The following ARSB variants were observed in gnomAD, a reference collection of about 807,000 sequenced individuals.
ARSB encodes arylsulfatase B.
A neutral mutation model predicts 50.9 loss-of-function variants in ARSB; 41 were observed. The observed-to-expected ratio is 0.81, with a 90% CI of 0.63 to 1.04. ARSB has a LOEUF of 1.04. Among genes scored for constraint, ARSB ranks in the 50% least tolerant of loss-of-function variants. The pLI is 0.00. For missense variants in ARSB, 672 were observed against 693.3 expected, an observed-to-expected ratio of 0.97 and a Z score of 0.35; for synonymous variants, 269 against 284.8, an observed-to-expected ratio of 0.94 and a Z score of 0.56.
chr5:78,897,604 C>T (rs1416450303), intron 4 of ARSB, among the ~76,000 whole-genome samples: 1 of 152,056 alleles, frequency 6.6e-6, no homozygotes, highest in Non-Finnish European at 1.5e-5. Flanking sequence ...AATTGATTTA[C>T]AAAGTAAATT....
At chr5:78,933,888 T>C (rs540835890) in intron 4 of ARSB, among the ~76,000 whole-genome samples, 82 of 152,078 alleles carry the variant, frequency 5.4e-4, no homozygotes, top group Non-Finnish European at 9.3e-4. Flanking sequence ...GCTCTAAAAG[T>C]TAAAGAAGGA....
chr5:78,937,435 T>TGTAA lies in ARSB; in HGVS notation c.898+17859_898+17860insTTAC, dbSNP rs535639117. Among the ~76,000 whole-genome samples the TGTAA allele has an allele frequency of 4.7e-4, 63 of 133,568 alleles. 11 individuals carry two copies. Among genetic ancestry groups the TGTAA allele is most frequent in the African/African-American group, 1.9e-3 (57 of 30,140 alleles). The allele number at this position is 133,568 out of a possible 152,430, so 87.6% of individuals were successfully genotyped here. Reference sequence around the variant, plus strand: ...ATGTAAGATATATATATCATATATATGATATATATATCTTATATATATAAT... The same window carrying TGTAA: ...ATGTAAGATATATATATCATATATATGTAAGATATATATATCTTATATATATAAT... On this transcript the variant is annotated intron_variant, in intron 4 of 7. Coordinates refer to ENST00000264914, the MANE Select transcript of ARSB (RefSeq NM_000046.5).
At chr5:78,807,699 T>C (rs1241653852) in intron 6 of ARSB, among the ~76,000 whole-genome samples, 1 of 152,060 alleles carries the variant, frequency 6.6e-6, no homozygotes, top group Non-Finnish European at 1.5e-5. Flanking sequence ...AACTAGGAGA[T>C]CCTCAGAGGT....
intron 4 of ARSB, among the ~76,000 whole-genome samples, chr5:78,951,489 T>C (rs1474767837): frequency 1.3e-5 from 2 of 151,640 alleles, no homozygotes; most frequent in Non-Finnish European, 2.9e-5. Flanking sequence ...GCAGAAGAGC[T>C]CCAAAGCCTG....
At chr5:78,867,250 C>T (rs1306190574) in intron 5 of ARSB, among the ~76,000 whole-genome samples, 3 of 152,172 alleles carry the variant, frequency 2.0e-5, no homozygotes, top group Admixed American at 1.3e-4. Flanking sequence ...GAGAGGCGCC[C>T]GCCATTGCCC....
rs928664080 is a variant in ARSB at position 78,941,582 on chromosome 5, C to T, written c.898+13713G>A. On this transcript the variant is annotated intron_variant, in intron 4 of 7. Coordinates refer to ENST00000264914, the MANE Select transcript of ARSB (RefSeq NM_000046.5). ...TGGTTCTCTTTATATGCTGGATTACCTTTATTGATTTGCATATATTGAACC... is the reference window on the plus strand; with the variant it reads ...TGGTTCTCTTTATATGCTGGATTACTTTTATTGATTTGCATATATTGAACC... Among the ~76,000 whole-genome samples the T allele has an allele frequency of 3.2e-3, 488 of 152,176 alleles. 2 individuals carry two copies. The highest frequency in any genetic ancestry group is 5.2e-3 in the Non-Finnish European group (352 of 67,998).
chr5:78,963,864 G>T (rs7705475), intron 3 of ARSB, among the ~76,000 whole-genome samples: 3 of 151,820 alleles, frequency 2.0e-5, no homozygotes, highest in Non-Finnish European at 4.4e-5. Context: ...TTGACTAGAT[G>T]ATTCTAAAAT....
Position 78,984,937 on chromosome 5 carries a change from C to G in ARSB, c.312G>C (p.Gln104His), listed in dbSNP as rs1478202079. Residue 104 changes from glutamine to histidine, a missense_variant and splice_region_variant, in exon 1 of 8, where the codon CAG (glutamine) becomes CAC (histidine). By Grantham distance (24) the Gln-to-His change is conservative. Transcript: ENST00000264914. ...SRSQLLTGRY[Q>H]IRTGLQHQII... is the part of the protein sequence containing the mutation. The stretch of plus-strand genomic sequence containing the variant: ...CGCGGGCGGCGGGGGCGCCGCGTAC[C>G]TGGTAGCGGCCAGTGAGCAGCTGGC... 7.2e-7 allele frequency: 1 copy of G among 1,394,138 alleles called. No individual in the cohort carries two copies. The highest frequency in any genetic ancestry group is 1.5e-5 in the African/African-American group (1 of 67,728). The allele number at this position is 1,394,138 out of a possible 1,614,324, so 86.4% of individuals were successfully genotyped here. A position where few individuals can be genotyped will look rare whatever the true frequency, so the allele number is the denominator to read the frequency against.
At chr5:78,821,035 T>C (rs1461779646) in intron 6 of ARSB, among the ~76,000 whole-genome samples, 3 of 151,934 alleles carry the variant, frequency 2.0e-5, no homozygotes, top group East Asian at 3.9e-4. Flanking sequence ...ATTGTATACA[T>C]AAGCACATCT....
At chr5:78,849,995 T>C (rs1387120532) in intron 5 of ARSB, among the ~76,000 whole-genome samples, 5 of 151,896 alleles carry the variant, frequency 3.3e-5, no homozygotes, top group Non-Finnish European at 7.4e-5. Context: ...TATACAATCA[T>C]GTCATCTGCA....
intron 5 of ARSB, among the ~76,000 whole-genome samples, chr5:78,850,783 C>G (rs1581039629): frequency 1.3e-5 from 2 of 152,272 alleles, no homozygotes; most frequent in African/African-American, 4.8e-5. Context: ...CTGGTTTAGT[C>G]TTGGGAGGGT....
intron 5 of ARSB, among the ~76,000 whole-genome samples, chr5:78,869,953 T>C (rs1437441126): frequency 6.6e-6 from 1 of 150,798 alleles, no homozygotes; most frequent in African/African-American, 2.4e-5. Flanking sequence ...AAGAATCAAA[T>C]AGACACAATA....
rs1418947137 is a variant in ARSB at position 78,779,542 on chromosome 5, C to T, written c.*855G>A. On this transcript the variant is annotated 3_prime_UTR_variant, in exon 8 of 8. Transcript: ENST00000264914. Reference sequence around the variant, plus strand: ...TCTTAGTGTCTACCATGAACATCCTCACAGAGCAACTCCACCGCCTATTAC... The same window carrying T: ...TCTTAGTGTCTACCATGAACATCCTTACAGAGCAACTCCACCGCCTATTAC... The T allele has an allele frequency of 1.3e-5, 2 of 152,292 alleles. No individual in the cohort carries two copies. Among genetic ancestry groups the T allele is most frequent in the African/African-American group, 4.8e-5 (2 of 41,440 alleles). 9.4% of individuals were successfully genotyped at this position (152,292 alleles called of 1,614,324 possible). A position where few individuals can be genotyped will look rare whatever the true frequency, so the allele number is the denominator to read the frequency against.
chr5:78,866,726 G>C (rs1333714357), intron 5 of ARSB, among the ~76,000 whole-genome samples: 1 of 152,176 alleles, frequency 6.6e-6, no homozygotes, highest in African/African-American at 2.4e-5. Context: ...GTAAAGGGAA[G>C]GAAGGACATG....
At chr5:78,904,517 C>T (rs1184763151) in intron 4 of ARSB, among the ~76,000 whole-genome samples, 2 of 151,904 alleles carry the variant, frequency 1.3e-5, no homozygotes, top group African/African-American at 4.8e-5. Flanking sequence ...AGTTTTCACA[C>T]ATTATTCCTT....
chr5:78,834,467 AC>A (rs1028560618), intron 6 of ARSB, among the ~76,000 whole-genome samples: 1 of 151,714 alleles, frequency 6.6e-6, no homozygotes, highest in African/African-American at 2.4e-5. Context: ...CACTTTAGGT[AC>A]CTCATGTAAG....
At chr5:78,873,596 C>T (rs181872070) in intron 5 of ARSB, among the ~76,000 whole-genome samples, 2,459 of 145,474 alleles carry the variant, frequency 0.017, 62 homozygotes, top group African/African-American at 0.058. Flanking sequence ...CCCGGGTTCA[C>T]GCCATTCTCC....
chr5:78,955,581 T>C (rs1224234880), intron 3 of ARSB, 79 bp from the exon 4 acceptor site: 2 of 1,192,542 alleles, frequency 1.7e-6, no homozygotes, highest in African/African-American at 1.5e-5. Context: ...TTCAGATTTA[T>C]GCATTAATAA....
At chr5:78,781,023 C>G (rs1748909341) in intron 7 of ARSB, among the ~76,000 whole-genome samples, 2 of 152,168 alleles carry the variant, frequency 1.3e-5, no homozygotes, top group Admixed American at 1.3e-4. Context: ...TTGCAAACGC[C>G]AAAAATGTTC....
Sources: allele counts gnomAD v4.1 joint callset (sites outside exome capture counted in the v4.1 genomes callset), GRCh38; gene constraint gnomAD v4.1.1; transcripts MANE v1.5; gene names NCBI Gene and HGNC (gene_info 2026-07-23, HGNC 2026-07-21).